OGG1: variants seen among roughly 807,000 people sequenced by gnomAD.
OGG1 encodes the protein N-glycosylase/DNA lyase.
Under a neutral mutation model 42.3 loss-of-function variants are expected in OGG1, and 35 were observed. That is an observed-to-expected ratio of 0.83 (90% confidence interval 0.63 to 1.10). The LOEUF (loss-of-function observed/expected upper bound fraction) is 1.10. OGG1 is among the 50% of genes least tolerant of loss of function. OGG1 has a pLI of 0.00. For missense variants in OGG1, 484 were observed against 446.7 expected (o/e 1.08, Z -0.75); for synonymous variants, 189 against 179.0 (o/e 1.06, Z -0.44).
chr3:9,769,976 C>T (rs1261056802), downstream of OGG1: 1 of 152,160 alleles, frequency 6.6e-6, no homozygotes, highest in African/African-American at 2.4e-5. Context: ...GCGGCTCTCT[C>T]CGCCCGCCTG....
downstream of OGG1, chr3:9,760,611 GAA>G: frequency 1.2e-6 from 2 of 1,604,226 alleles, no homozygotes; most frequent in Non-Finnish European, 1.7e-6. Flanking sequence ...GGTGAGGGAG[GAA>G]CCAGAGGCAG....
intron 3 of OGG1, among the ~76,000 whole-genome samples, chr3:9,781,833 CTTTTTTTTTTTTTT>C (rs35246642): frequency 2.3e-5 from 2 of 86,870 alleles, no homozygotes; most frequent in African/African-American, 1.0e-4. Flanking sequence ...CCCATTACTT[CTTTTTTTTTTTTTT>C]TTTTTTTTTT....
intron 7 of OGG1, among the ~76,000 whole-genome samples, chr3:9,762,485 G>A (rs1410990883): frequency 3.9e-5 from 6 of 151,960 alleles, no homozygotes; most frequent in Admixed American, 1.3e-4. Flanking sequence ...CAAGTGATTC[G>A]CCTGCCTCAG....
At chr3:9,757,813 T>C (rs748089150), downstream of OGG1, 4 of 1,611,990 alleles carry the variant, frequency 2.5e-6, no homozygotes, top group Admixed American at 6.7e-5. This position sits in a 1 kb window ranked among gnomAD's most constrained non-coding sequence, Gnocchi z 4.5. Flanking sequence ...AGTTTCCTCA[T>C]GTGCCGCACC....
chr3:9,751,199 A>G lies in OGG1; in HGVS notation c.385+7A>G, dbSNP rs577934433. ...GTGGCTCAGAAATTCCAAGGTGAGT[A>G]CAGGACCTGGGCTGGGGTTAGGGTT... On this transcript the variant is annotated splice_region_variant and intron_variant, in intron 2 of 6. Coordinates refer to ENST00000344629, the MANE Select transcript of OGG1 (RefSeq NM_002542.6). 2.5e-6 allele frequency: 4 copies of G among 1,613,634 alleles called. No homozygotes were observed. The highest frequency in any genetic ancestry group is 3.4e-6 in the Non-Finnish European group (4 of 1,179,790).
chr3:9,756,390 C>T, intron 4 of OGG1, 81 bp from the exon 5 acceptor site: 2 of 1,421,436 alleles, frequency 1.4e-6, no homozygotes, highest in South Asian at 1.2e-5. Context: ...AAGGAGAAAG[C>T]AGCCGGCTTT....
chr3:9,774,141 G>A (rs1360706036), intron 2 of OGG1, among the ~76,000 whole-genome samples: 2 of 152,130 alleles, frequency 1.3e-5, no homozygotes, highest in Non-Finnish European at 2.9e-5. Flanking sequence ...TGGGCGTGGT[G>A]ACTCACTCCT....
chr3:9,761,607 GC>G (rs768260156), downstream of OGG1: 23 of 1,613,836 alleles, frequency 1.4e-5, no homozygotes, highest in Non-Finnish European at 1.9e-5. Context: ...CACCATCACA[GC>G]CCCAGCCCAG....
At chr3:9,757,798 G>C (rs1462888983), downstream of OGG1, 2 of 1,613,772 alleles carry the variant, frequency 1.2e-6, no homozygotes, top group Non-Finnish European at 1.7e-6. This position sits in a 1 kb window ranked among gnomAD's most constrained non-coding sequence, Gnocchi z 4.5. Context: ...CTGGTGCCCA[G>C]CTGCAGTTTC....
chr3:9,761,955 G>C (rs1319161660), downstream of OGG1: 12 of 690,262 alleles, frequency 1.7e-5, no homozygotes, highest in Admixed American at 1.5e-4. Context: ...AGGGTGTGGG[G>C]GGGAACTGTC....
intron 3 of OGG1, chr3:9,785,546 A>G: frequency 1.5e-6 from 1 of 683,036 alleles, no homozygotes; most frequent in Non-Finnish European, 2.5e-6. Context: ...CATCCCACCT[A>G]CCGTGGGAAG....
intron 2 of OGG1, among the ~76,000 whole-genome samples, chr3:9,779,413 A>G (rs1030487593): frequency 2.6e-5 from 4 of 151,984 alleles, no homozygotes; most frequent in African/African-American, 4.8e-5. Context: ...TCTGGCCCCA[A>G]CTGCTCCACT....
downstream of OGG1, chr3:9,760,033 G>A (rs2077776388): frequency 2.9e-6 from 1 of 340,410 alleles, no homozygotes; most frequent in Admixed American, 3.9e-5. Flanking sequence ...ACGAGGTCAG[G>A]AGTTCAAGAC....
chr3:9,750,376 C>T lies in OGG1; in HGVS notation c.90C>T (p.Arg30=). 6.2e-7 allele frequency: 1 copy of T among 1,614,112 alleles called. No individual in the cohort carries two copies. Among genetic ancestry groups the T allele is most frequent in the Middle Eastern group, 1.6e-4 (1 of 6,062 alleles). Residue 30 remains arginine (R), a synonymous_variant, in exon 1 of 7, where the codon CGC becomes CGT. Transcript: ENST00000344629. The stretch of plus-strand genomic sequence containing the variant: ...TGTGGGCCTCCATCCCGTGCCCTCG[C>T]TCTGAGCTGCGCCTGGACCTGGTTC... ...PALWASIPCP[R]SELRLDLVLP... is the part of the protein sequence containing the mutation.
chr3:9,788,394 C>T (rs564069167), downstream of OGG1, among the ~76,000 whole-genome samples: 1,453 of 151,912 alleles, frequency 9.6e-3, 15 homozygotes, highest in Non-Finnish European at 0.017. Flanking sequence ...TACAGGCGCC[C>T]GCCACCACGC....
downstream of OGG1, among the ~76,000 whole-genome samples, chr3:9,768,989 G>A (rs2078232261): frequency 6.6e-6 from 1 of 152,006 alleles, no homozygotes; most frequent in Admixed American, 6.6e-5. Context: ...CCCTGTAGCA[G>A]ACATGCCACA....
chr3:9,789,598 C>G (rs1199839108), downstream of OGG1: 2 of 1,614,086 alleles, frequency 1.2e-6, no homozygotes, highest in East Asian at 4.5e-5. Context: ...CAGTAGGGCT[C>G]CACTGAAGCC....
At chr3:9,759,616 A>T (rs566055751), downstream of OGG1, 13 of 1,614,022 alleles carry the variant, frequency 8.1e-6, no homozygotes, top group Non-Finnish European at 1.1e-5. Flanking sequence ...TGAGGGCAGA[A>T]GCAGACCTGA....
At chr3:9,787,679 C>G in intron 3 of OGG1, 1 of 1,350,754 alleles carries the variant, frequency 7.4e-7, no homozygotes, top group African/African-American at 1.5e-5. Context: ...CAGGGAATTA[C>G]CTTTTGTATT....
Sources: allele counts gnomAD v4.1 joint callset (sites outside exome capture counted in the v4.1 genomes callset), GRCh38; gene constraint gnomAD v4.1.1; non-coding constraint Gnocchi (gnomAD v3.1); transcripts MANE v1.5; gene names NCBI Gene and HGNC (gene_info 2026-07-23, HGNC 2026-07-21).